CLIC2: variants seen among roughly 807,000 people sequenced by gnomAD.
CLIC2 encodes the protein chloride intracellular channel protein 2.
CLIC2 carries 9 observed loss-of-function variants against 14.8 expected under a neutral mutation model. The ratio of observed to expected loss-of-function variants is 0.61; its 90% confidence interval spans 0.37 to 1.06. The LOEUF (loss-of-function observed/expected upper bound fraction) is 1.06. CLIC2 is among the 50% of genes least tolerant of loss of function. The pLI is 0.01. For synonymous variants in CLIC2, 61 were observed against 66.3 expected, an observed-to-expected ratio of 0.92 and a Z score of 0.39; for missense variants, 148 against 181.4, an observed-to-expected ratio of 0.82 and a Z score of 1.06.
At chrX:155,297,240 T>C (rs2074995379) in intron 3 of CLIC2, among the ~76,000 whole-genome samples, 1 of 111,338 alleles carries the variant, frequency 9.0e-6, no homozygotes, top group Non-Finnish European at 1.9e-5. Context: ...TTCTCACTTA[T>C]ATGTGGGAGT....
At chrX:155,294,200 G>C (rs58686836) in intron 3 of CLIC2, among the ~76,000 whole-genome samples, 152 of 111,448 alleles carry the variant, frequency 1.4e-3, no homozygotes, top group African/African-American at 4.8e-3. Flanking sequence ...ATCATACCAA[G>C]GATATTCTCA....
intron 3 of CLIC2, chrX:155,291,009 C>A: frequency 1.4e-6 from 1 of 718,446 alleles, no homozygotes; most frequent in Non-Finnish European, 2.2e-6. Flanking sequence ...CTTTACTGTT[C>A]CAAATACTTC....
At chrX:155,316,323 T>C (rs782540261) in intron 1 of CLIC2, among the ~76,000 whole-genome samples, 1 of 112,113 alleles carries the variant, frequency 8.9e-6, no homozygotes, top group Admixed American at 9.5e-5. Flanking sequence ...ATTCTATTTA[T>C]CAACACATGG....
At chrX:155,332,513 C>T (rs935288063) in intron 1 of CLIC2, among the ~76,000 whole-genome samples, 1 of 111,643 alleles carries the variant, frequency 9.0e-6, no homozygotes, top group Non-Finnish European at 1.9e-5. Context: ...CAACTGAAAA[C>T]AATTGAATAA....
intron 1 of CLIC2, among the ~76,000 whole-genome samples, chrX:155,302,116 C>T (rs1230656462): frequency 4.7e-5 from 5 of 105,517 alleles, no homozygotes; most frequent in African/African-American, 6.9e-5. Flanking sequence ...GGAGGATTCC[C>T]TCTTTTTCTA....
chrX:155,334,239 C>A, intron 1 of CLIC2, 132 bp downstream of exon 1: 1 of 556,339 alleles, frequency 1.8e-6, no homozygotes. Context: ...TCTTCTAGAA[C>A]TCAGAGTAGG....
chrX:155,304,892 G>C (rs782550519), intron 1 of CLIC2, among the ~76,000 whole-genome samples: 5 of 98,098 alleles, frequency 5.1e-5, no homozygotes, highest in African/African-American at 1.1e-4. Flanking sequence ...TAGGCTGCTC[G>C]GGGGTCAGGG....
At chrX:155,292,124 T>C (rs2074969294) in intron 3 of CLIC2, 1 of 567,348 alleles carries the variant, frequency 1.8e-6, no homozygotes, top group Non-Finnish European at 3.2e-6. Context: ...AGCATAAAAT[T>C]TGATAGAGTA....
At chrX:155,299,002 T>G in intron 2 of CLIC2, 34 bp downstream of exon 2, 1 of 1,174,329 alleles carries the variant, frequency 8.5e-7, no homozygotes, top group South Asian at 1.8e-5. Context: ...CCAATCTCAA[T>G]TCCTAGAATT....
At chrX:155,301,588 T>C (rs1407379289) in intron 1 of CLIC2, among the ~76,000 whole-genome samples, 21 of 81,572 alleles carry the variant, frequency 2.6e-4, no homozygotes, top group African/African-American at 8.7e-4. Context: ...CCTGCCTAAT[T>C]GCCCTGGCCA....
chrX:155,292,020 G>A (rs1211502459), intron 3 of CLIC2: 6 of 523,110 alleles, frequency 1.1e-5, no homozygotes, highest in Middle Eastern at 5.0e-4. Context: ...TCAAATGACC[G>A]GACCCAGGCA....
At chrX:155,311,003 C>T (rs1557320517) in intron 1 of CLIC2, among the ~76,000 whole-genome samples, 1 of 112,000 alleles carries the variant, frequency 8.9e-6, no homozygotes, top group African/African-American at 3.2e-5. Flanking sequence ...ACCCTGCGCC[C>T]AGCCCACAGA....
intron 3 of CLIC2, chrX:155,290,547 A>G: frequency 1.7e-6 from 1 of 581,075 alleles, no homozygotes; most frequent in Middle Eastern, 5.0e-4. Context: ...AATTTCTAGC[A>G]GAGGGCTCTT....
chrX:155,328,139 T>C (rs1557322515), intron 1 of CLIC2, among the ~76,000 whole-genome samples: 1 of 111,124 alleles, frequency 9.0e-6, no homozygotes, highest in Non-Finnish European at 1.9e-5. Context: ...TTATTCAACA[T>C]AGTACTGGAA....
At chrX:155,321,741 T>C (rs1446126964) in intron 1 of CLIC2, among the ~76,000 whole-genome samples, 3 of 111,502 alleles carry the variant, frequency 2.7e-5, no homozygotes, top group African/African-American at 9.8e-5. Flanking sequence ...GGGCTAAATG[T>C]TCCAATTAAA....
In CLIC2 at chrX:155,325,874, C is replaced by A. The variant is rs1164048274; in HGVS notation, c.57+8497G>T. Reference sequence around the variant, plus strand: ...AGGCACTAAATAATGGCATTTGCAGCAACCTGGAAGGAATTGGAGACTATT... The same window carrying A: ...AGGCACTAAATAATGGCATTTGCAGAAACCTGGAAGGAATTGGAGACTATT... On this transcript the variant is annotated intron_variant, in intron 1 of 5. Coordinates refer to ENST00000369449, the MANE Select transcript of CLIC2 (RefSeq NM_001289.6). Among the ~76,000 whole-genome samples, 40 of 97,489 alleles carry A rather than the reference C, an allele frequency of 4.1e-4. 1 individual carries two copies. The Admixed American group carries it at 4.7e-3, about 12-fold the overall frequency. 84.7% of individuals were successfully genotyped at this position (97,489 alleles called of 115,157 possible). A position where few individuals can be genotyped will look rare whatever the true frequency, so the allele number is the denominator to read the frequency against.
intron 3 of CLIC2, among the ~76,000 whole-genome samples, chrX:155,282,496 C>T (rs1404023834): frequency 3.6e-5 from 4 of 110,931 alleles, no homozygotes; most frequent in Admixed American, 9.6e-5. Context: ...CATGATTACC[C>T]CAGACTTTAG....
chrX:155,299,188 TA>T, intron 1 of CLIC2, 43 bp from the exon 2 acceptor site: 2 of 1,031,593 alleles, frequency 1.9e-6, no homozygotes, highest in South Asian at 3.8e-5. Context: ...GTTTGTTCAA[TA>T]AGTATGTATT....
chrX:155,304,368 C>T (rs1466656273), intron 1 of CLIC2, among the ~76,000 whole-genome samples: 11 of 100,670 alleles, frequency 1.1e-4, no homozygotes, highest in African/African-American at 2.5e-4. Context: ...TCCAGTTCAT[C>T]GCTTTGGCTC....
Sources: allele counts gnomAD v4.1 joint callset (sites outside exome capture counted in the v4.1 genomes callset), GRCh38; gene constraint gnomAD v4.1.1; transcripts MANE v1.5; gene names NCBI Gene and HGNC (gene_info 2026-07-23, HGNC 2026-07-21).